GPD2: variants seen among roughly 807,000 people sequenced by gnomAD.
GPD2 encodes glycerol-3-phosphate dehydrogenase 2, also known as glycerol-3-phosphate dehydrogenase, mitochondrial.
GPD2 carries 54 observed loss-of-function variants against 82.4 expected under a neutral mutation model. The ratio of observed to expected loss-of-function variants is 0.66; its 90% CI spans 0.53 to 0.82. The LOEUF (loss-of-function observed/expected upper bound fraction) is 0.82, where lower values mean the gene tolerates loss of function less well. Ranked by LOEUF, GPD2 falls within the 40% of genes least tolerant of loss-of-function variation. GPD2 has a pLI of 0.00. For synonymous variants in GPD2, 288 were observed against 306.1 expected, an observed-to-expected ratio of 0.94 and a Z score of 0.62; for missense variants, 748 against 896.2, an observed-to-expected ratio of 0.83 and a Z score of 2.11.
chr2:156,459,909 G>C (rs937764613), intron 1 of GPD2, among the ~76,000 whole-genome samples: 1 of 151,916 alleles, frequency 6.6e-6, no homozygotes, highest in Non-Finnish European at 1.5e-5. Context: ...GCTGCCAGAC[G>C]AATGACTGAA....
intron 6 of GPD2, among the ~76,000 whole-genome samples, chr2:156,526,483 A>G (rs548630580): frequency 2.2e-4 from 33 of 152,298 alleles, no homozygotes; most frequent in African/African-American, 7.7e-4. Context: ...TAGTCTTTTA[A>G]ATAGATGAGT....
intron 9 of GPD2, among the ~76,000 whole-genome samples, chr2:156,561,023 G>A (rs1687146987): frequency 8.1e-6 from 1 of 123,858 alleles, no homozygotes. Flanking sequence ...AAGAAACTGA[G>A]GCCCAGTGAC....
chr2:156,517,255 G>A (rs1264762736), intron 6 of GPD2, among the ~76,000 whole-genome samples: 1 of 152,142 alleles, frequency 6.6e-6, no homozygotes, highest in East Asian at 1.9e-4. Flanking sequence ...ACTTCATCTG[G>A]CCCTTCATAC....
chr2:156,455,323 A>G (rs755273427), intron 1 of GPD2, among the ~76,000 whole-genome samples: 18 of 152,248 alleles, frequency 1.2e-4, no homozygotes, highest in Admixed American at 2.0e-4. Context: ...ATCTAATCCT[A>G]CTAGGAATGT....
chr2:156,455,243 G>C (rs1682750790), intron 1 of GPD2, among the ~76,000 whole-genome samples: 1 of 152,128 alleles, frequency 6.6e-6, no homozygotes. Flanking sequence ...TGTTCTTTTA[G>C]TTTATCTGTC....
chr2:156,566,137 T>C (rs952022154), intron 9 of GPD2, among the ~76,000 whole-genome samples: 2 of 152,120 alleles, frequency 1.3e-5, no homozygotes, highest in Non-Finnish European at 2.9e-5. Flanking sequence ...CTATGTAAAA[T>C]ATTTCCTTAA....
intron 9 of GPD2, among the ~76,000 whole-genome samples, chr2:156,565,723 CTTGAG>C (rs1410522895): frequency 6.6e-6 from 1 of 152,040 alleles, no homozygotes; most frequent in Non-Finnish European, 1.5e-5. Context: ...GCCAGATTAA[CTTGAG>C]TTGAATTTAT....
intron 6 of GPD2, among the ~76,000 whole-genome samples, chr2:156,519,589 T>G (rs1400295249): frequency 6.6e-6 from 1 of 152,270 alleles, no homozygotes; most frequent in Non-Finnish European, 1.5e-5. Flanking sequence ...ATGTAAATAT[T>G]GATACACATA....
At chr2:156,466,760 T>G (rs1041050874) in intron 1 of GPD2, among the ~76,000 whole-genome samples, 1 of 152,210 alleles carries the variant, frequency 6.6e-6, no homozygotes, top group African/African-American at 2.4e-5. Context: ...TGCAACAAAT[T>G]TTTTATAAAC....
intron 9 of GPD2, among the ~76,000 whole-genome samples, chr2:156,562,775 A>C (rs1372248722): frequency 2.6e-5 from 4 of 152,304 alleles, no homozygotes; most frequent in African/African-American, 9.6e-5. Flanking sequence ...TAGCCGTGAA[A>C]ATTGTCTGTT....
chr2:156,476,230 A>T (rs767444248), intron 2 of GPD2, 23 bp downstream of exon 2: 12 of 1,245,724 alleles, frequency 9.6e-6, no homozygotes, highest in Non-Finnish European at 1.3e-5. Flanking sequence ...ACTTGTGTTG[A>T]TTACAGTATG....
chr2:156,500,889 A>G (rs1684565019), intron 3 of GPD2, among the ~76,000 whole-genome samples: 1 of 152,178 alleles, frequency 6.6e-6, no homozygotes, highest in Admixed American at 6.6e-5. Flanking sequence ...GTTCTCCTGC[A>G]GGTCTCTAGG....
chr2:156,523,045 T>G lies in GPD2; in HGVS notation c.661+9549T>G, dbSNP rs1266611297. ...TAGACTCTCCCACTATCAACATCCC[T>G]CACTGCAGTGAAGCATTCGTTTCAG... On this transcript the variant is annotated intron_variant, in intron 6 of 16. Transcript: ENST00000438166. Among the ~76,000 whole-genome samples the G allele has an allele frequency of 2.6e-5, 4 of 152,128 alleles. No individual in the cohort carries two copies. In the East Asian group the frequency reaches 7.7e-4, roughly 29 times the overall value.
At chr2:156,415,735 A>C in the GPD2 span, among the ~76,000 whole-genome samples, 1 of 152,082 alleles carries the variant, frequency 6.6e-6, no homozygotes, top group Admixed American at 6.5e-5. Flanking sequence ...CATGCTTATA[A>C]TCCCAGCTAC....
At chr2:156,470,167 A>G (rs570934862) in intron 1 of GPD2, among the ~76,000 whole-genome samples, 4 of 152,134 alleles carry the variant, frequency 2.6e-5, no homozygotes, top group Admixed American at 6.5e-5. Flanking sequence ...GGAGTGACAA[A>G]TGTATTTGCA....
intron 1 of GPD2, among the ~76,000 whole-genome samples, chr2:156,472,072 A>T (rs980373653): frequency 6.6e-6 from 1 of 152,114 alleles, no homozygotes; most frequent in Non-Finnish European, 1.5e-5. Flanking sequence ...ATTTTTTAAA[A>T]TTTTTTCACC....
intron 6 of GPD2, among the ~76,000 whole-genome samples, chr2:156,531,011 A>T (rs1459019566): frequency 1.3e-5 from 2 of 152,170 alleles, no homozygotes; most frequent in Non-Finnish European, 2.9e-5. Context: ...ATTTTCAAAA[A>T]ACCAAGCATA....
At chr2:156,415,137 C>G in the GPD2 span, among the ~76,000 whole-genome samples, 2 of 151,496 alleles carry the variant, frequency 1.3e-5, no homozygotes, top group Non-Finnish European at 2.9e-5. Context: ...CCCAAATCCC[C>G]CAAGTCCATT....
At position 156,571,151 on chromosome 2, in the gene GPD2, G is replaced by A. The variant is rs1437194781; in HGVS notation, c.1626G>A (p.Lys542=). 1.2e-6 allele frequency: 2 copies of A among 1,607,508 alleles called. No homozygotes were observed. The highest frequency in any genetic ancestry group is 1.7e-6 in the Non-Finnish European group (2 of 1,173,990). Residue 542 remains lysine, a synonymous_variant, in exon 13 of 17, where the codon AAG becomes AAA. Coordinates refer to ENST00000438166, the MANE Select transcript of GPD2 (RefSeq NM_000408.5). ...AAACTCAGGTGAAATATGGGATTAA[G>A]GAGTATGCCTGCACTGCTGTGGATA... ...YIEAEVKYGI[K]EYACTAVDMI...
Sources: gnomAD v4.1 joint callset for allele counts (sites outside exome capture counted in the v4.1 genomes callset) on GRCh38, gnomAD v4.1.1 for gene constraint, MANE v1.5 for transcripts, NCBI Gene and HGNC (gene_info 2026-07-23, HGNC 2026-07-21) for gene names.